SUCLG1: variants seen among roughly 807,000 people sequenced by gnomAD.
The protein encoded by SUCLG1 is succinate--CoA ligase [ADP/GDP-forming] subunit alpha, mitochondrial.
In SUCLG1, 26 loss-of-function variants were observed where a neutral mutation model predicts 37.3. That is an observed-to-expected ratio of 0.70 (90% CI 0.51 to 0.97). The LOEUF (loss-of-function observed/expected upper bound fraction) is 0.97. Among genes scored for constraint, SUCLG1 ranks in the 50% least tolerant of loss-of-function variants. The probability of loss-of-function intolerance (pLI) is 0.00; values close to 1 mark genes in which losing one functional copy is unlikely to be tolerated. For missense variants in SUCLG1, 433 were observed against 432.9 expected (o/e 1.00, Z 0.00); for synonymous variants, 163 against 155.6 (o/e 1.05, Z -0.36).
At chr2:84,438,982 A>C (rs918305045) in intron 5 of SUCLG1, among the ~76,000 whole-genome samples, 7 of 152,044 alleles carry the variant, frequency 4.6e-5, no homozygotes, top group African/African-American at 1.7e-4. Context: ...GCTGCAACCC[A>C]CTCAGGTCCT....
At chr2:84,456,327 A>G (rs551017759) in intron 1 of SUCLG1, among the ~76,000 whole-genome samples, 59 of 152,340 alleles carry the variant, frequency 3.9e-4, no homozygotes, top group African/African-American at 1.3e-3. Flanking sequence ...CCTGGGTGCT[A>G]GTATCACTTC....
intron 5 of SUCLG1, among the ~76,000 whole-genome samples, chr2:84,435,814 A>C (rs960428957): frequency 6.6e-6 from 1 of 152,122 alleles, no homozygotes; most frequent in Non-Finnish European, 1.5e-5. Flanking sequence ...CTGCTAGCTC[A>C]TCCTCTCTTT....
intron 5 of SUCLG1, among the ~76,000 whole-genome samples, chr2:84,440,787 CA>C (rs1553393541): frequency 6.7e-6 from 1 of 148,690 alleles, no homozygotes; most frequent in Admixed American, 6.6e-5. Flanking sequence ...TGGAGTAATC[CA>C]CAGAGTGCTG....
chr2:84,425,918 C>A (rs370434418), intron 7 of SUCLG1: 2 of 369,064 alleles, frequency 5.4e-6, no homozygotes, highest in Non-Finnish European at 1.0e-5. Flanking sequence ...ATATGATTTG[C>A]GATAATAATA....
intron 1 of SUCLG1, among the ~76,000 whole-genome samples, chr2:84,455,188 C>T (rs1672998631): frequency 6.6e-6 from 1 of 152,088 alleles, no homozygotes; most frequent in African/African-American, 2.4e-5. Flanking sequence ...GCTGTAAGTA[C>T]CATATTTCAT....
chr2:84,423,901 A>C (rs935318752), intron 8 of SUCLG1, 129 bp from the exon 9 acceptor site: 1 of 970,418 alleles, frequency 1.0e-6, no homozygotes, highest in Non-Finnish European at 1.5e-6. Context: ...AAATTACAGA[A>C]GAAAAATGTA....
At chr2:84,425,669 A>T in intron 7 of SUCLG1, 66 bp from the exon 8 acceptor site, 2 of 1,566,990 alleles carry the variant, frequency 1.3e-6, no homozygotes, top group Non-Finnish European at 1.8e-6. Flanking sequence ...CCTCAAATTC[A>T]TGACTCTGCT....
intron 5 of SUCLG1, among the ~76,000 whole-genome samples, chr2:84,433,967 T>G (rs1228129026): frequency 6.6e-6 from 1 of 152,176 alleles, no homozygotes; most frequent in Non-Finnish European, 1.5e-5. Flanking sequence ...GAGTTCTCAC[T>G]CTGTTCCTTT....
rs58623633 is a variant in SUCLG1, at chr2:84,443,465, C to G, written c.202-65G>C. On this transcript the variant is annotated intron_variant, in intron 2 of 8. Transcript: ENST00000393868. ...CTGGTAAGCCCAAGAGAAGCAAAAG[C>G]AATCTTAGCAACTTAGGAAAAGAAA... is the stretch of plus-strand genomic sequence containing the variant. 2.4e-3 allele frequency: 3,251 copies of G among 1,359,790 alleles called. 53 individuals carry two copies. In the African/African-American group the frequency reaches 0.04, roughly 17 times the overall value. 84.2% of individuals were successfully genotyped at this position (1,359,790 alleles called of 1,614,324 possible). A position where few individuals can be genotyped will look rare whatever the true frequency, so the allele number is the denominator to read the frequency against.
chr2:84,446,537 C>G (rs1257346015), intron 2 of SUCLG1, among the ~76,000 whole-genome samples: 1 of 152,074 alleles, frequency 6.6e-6, no homozygotes, highest in African/African-American at 2.4e-5. Context: ...GGAAACTTGG[C>G]CCCAAGCATG....
intron 1 of SUCLG1, among the ~76,000 whole-genome samples, chr2:84,450,947 T>G (rs748382156): frequency 6.6e-6 from 1 of 152,176 alleles, no homozygotes; most frequent in Non-Finnish European, 1.5e-5. Context: ...ACAGGCAGCT[T>G]TCTCATACTA....
intron 1 of SUCLG1, among the ~76,000 whole-genome samples, chr2:84,454,980 T>C (rs1008933980): frequency 3.9e-5 from 6 of 152,190 alleles, no homozygotes; most frequent in African/African-American, 1.4e-4. Flanking sequence ...CACGTACTCA[T>C]GAATTTAACA....
Position 84,441,261 on chromosome 2 carries a change from G to C in SUCLG1, c.517C>G (p.Pro173Ala), listed in dbSNP as rs759846791. 7.4e-6 allele frequency: 12 copies of C among 1,614,056 alleles called. No individual in the cohort carries two copies. In the East Asian group the frequency reaches 2.7e-4, roughly 36 times the overall value. The change falls in exon 4 of 9, where the codon CCT (proline) becomes GCT (alanine). Residue 173 changes from proline to alanine, a missense_variant. Coordinates refer to ENST00000393868, the MANE Select transcript of SUCLG1 (RefSeq NM_003849.4). ...TTTGCACTCACATTGATGACTCCAGGGCAGTTGGGCCCAATTAGCCTTGTC... is the reference window on the plus strand; with the variant it reads ...TTTGCACTCACATTGATGACTCCAGCGCAGTTGGGCCCAATTAGCCTTGTC... ...EKTRLIGPNC[P>A]GVINPGECKI... is the part of the protein sequence containing the mutation.
intron 3 of SUCLG1, chr2:84,443,076 C>A (rs1168507117): frequency 8.6e-6 from 5 of 579,008 alleles, no homozygotes; most frequent in East Asian, 6.3e-5. Flanking sequence ...AGAAGCCTGG[C>A]CACAGTACTT....
Position 84,449,761 on chromosome 2 carries a change from TTAAAAA to T in SUCLG1, c.98-15_98-10del. ...AATTCCATTCTGCGGCACTAAGAGG[TTAAAAA>T]AAAAAAAAAAAAAAAAAAAAGACAC... is the stretch of plus-strand genomic sequence containing the variant. On this transcript the variant is annotated splice_polypyrimidine_tract_variant and intron_variant, in intron 1 of 8. Coordinates refer to ENST00000393868, the MANE Select transcript of SUCLG1 (RefSeq NM_003849.4). 2 of 975,444 alleles carry T rather than the reference TTAAAAA, an allele frequency of 2.1e-6. No individual in the cohort carries two copies. The highest frequency in any genetic ancestry group is 1.7e-5 in the South Asian group (1 of 57,350). The allele number at this position is 975,444 out of a possible 1,614,324, so 60.4% of individuals were successfully genotyped here. A position where few individuals can be genotyped will look rare whatever the true frequency, so the allele number is the denominator to read the frequency against.
At chr2:84,451,862 A>C (rs1672948074) in intron 1 of SUCLG1, among the ~76,000 whole-genome samples, 1 of 152,218 alleles carries the variant, frequency 6.6e-6, no homozygotes, top group Non-Finnish European at 1.5e-5. Context: ...ACCCACTTCT[A>C]GATAAGCTGG....
intron 6 of SUCLG1, chr2:84,432,169 C>G (rs1010880049): frequency 2.3e-5 from 4 of 172,462 alleles, no homozygotes; most frequent in African/African-American, 9.6e-5. Flanking sequence ...CCTGACTGCT[C>G]GTGTTCTGGA....
intron 2 of SUCLG1, among the ~76,000 whole-genome samples, chr2:84,444,027 A>T (rs542425087): frequency 4.3e-4 from 66 of 152,266 alleles, no homozygotes; most frequent in African/African-American, 1.4e-3. Context: ...GCCTAGTGGG[A>T]CATTTAGCAG....
At chr2:84,435,899 G>C (rs1272316108) in intron 5 of SUCLG1, among the ~76,000 whole-genome samples, 1 of 152,184 alleles carries the variant, frequency 6.6e-6, no homozygotes, top group Non-Finnish European at 1.5e-5. Flanking sequence ...TGTTTTCCAG[G>C]AGGTCAGCCA....
Sources: allele counts gnomAD v4.1 joint callset (sites outside exome capture counted in the v4.1 genomes callset), GRCh38; gene constraint gnomAD v4.1.1; transcripts MANE v1.5; gene names NCBI Gene and HGNC (gene_info 2026-07-23, HGNC 2026-07-21).